FMNL3: variants seen among roughly 807,000 people sequenced by gnomAD.
FMNL3 encodes formin-like protein 3.
Under a neutral mutation model 119.6 loss-of-function variants are expected in FMNL3, and 57 were observed. The observed-to-expected ratio is 0.48, with a 90% confidence interval of 0.39 to 0.59. The LOEUF is 0.59. Among genes scored for constraint, FMNL3 ranks in the 20% least tolerant of loss-of-function variants. FMNL3 has a pLI of 0.00. For synonymous variants in FMNL3, 491 were observed against 507.3 expected (o/e 0.97, Z 0.43); for missense variants, 1,053 against 1,323.5 (o/e 0.80, Z 3.17).
chr12:49,664,980 G>C (rs1206297706), intron 4 of FMNL3, among the ~76,000 whole-genome samples: 4 of 151,232 alleles, frequency 2.6e-5, no homozygotes. Context: ...ATTTGTGCCA[G>C]GCCCTCCCAT....
At position 49,650,987 on chromosome 12, in the gene FMNL3, C is replaced by T; in HGVS notation, c.1798-109G>A. The T allele has an allele frequency of 2.0e-6, 3 of 1,484,842 alleles. No individual in the cohort carries two copies. The Admixed American group carries it at 5.4e-5, about 26-fold the overall frequency. The allele number at this position is 1,484,842 out of a possible 1,614,324, so 92.0% of individuals were successfully genotyped here. A position where few individuals can be genotyped will look rare whatever the true frequency, so the allele number is the denominator to read the frequency against. On this transcript the variant is annotated intron_variant, in intron 16 of 25. Coordinates refer to ENST00000335154, the MANE Select transcript of FMNL3 (RefSeq NM_175736.5). The stretch of plus-strand genomic sequence containing the variant: ...GAGCTCTGTCACTCTGGAATATTTC[C>T]TGAATACAAACACAAAGTGTTGACA...
chr12:49,664,925 C>T lies in FMNL3; in HGVS notation c.368+907G>A, dbSNP rs144045434. On this transcript the variant is annotated intron_variant, in intron 4 of 25. Transcript: ENST00000335154. ...ACCCCCTGTCAGGAAGCCTGGGCAC[C>T]CCACCCCCACCTGGGCCTCCACTGC... is the stretch of plus-strand genomic sequence containing the variant. 5.3e-5 allele frequency among the ~76,000 whole-genome samples: 8 copies of T among 152,016 alleles called. No individual in the cohort carries two copies. The East Asian group carries it at 1.4e-3, about 26-fold the overall frequency.
rs750449558 is a variant in FMNL3, at chr12:49,658,496, A to G, written c.551T>C (p.Leu184Pro). Residue 184 changes from leucine to proline, a missense_variant, in exon 6 of 26, where the codon CTG (leucine) becomes CCG (proline). Physicochemically the swap from Leu to Pro is moderately conservative, Grantham distance 98. Around this residue, in one of 4 missense-constraint regions of FMNL3, gnomAD observed 264 missense variants for 265.5 expected, o/e 0.99. Transcript: ENST00000335154. ...SIEDLQPPSA[L>P]SAPFTNSLAR... Reference sequence around the variant, plus strand: ...GAGGCTGTTGGTGAAGGGGGCCGACAGGGCGCTGGGTGGCTGCAGGTCCTC... The same window carrying G: ...GAGGCTGTTGGTGAAGGGGGCCGACGGGGCGCTGGGTGGCTGCAGGTCCTC... The G allele has an allele frequency of 1.2e-6, 2 of 1,613,510 alleles. No individual in the cohort carries two copies. Among genetic ancestry groups the G allele is most frequent in the Non-Finnish European group, 1.7e-6 (2 of 1,179,592 alleles).
chr12:49,646,296 G>A (rs190572435), intron 25 of FMNL3, among the ~76,000 whole-genome samples: 1 of 152,122 alleles, frequency 6.6e-6, no homozygotes, highest in East Asian at 1.9e-4. Context: ...AGGTTCCTTA[G>A]GCCTGGGAAT....
intron 2 of FMNL3, 44 bp from the exon 3 acceptor site, chr12:49,666,251 A>G (rs1565880090): frequency 3.2e-6 from 5 of 1,539,404 alleles, no homozygotes; most frequent in Non-Finnish European, 3.6e-6. Context: ...AGACAACCAG[A>G]GACCTGAGGA....
At chr12:49,668,010 CAG>C (rs1451722940) in intron 2 of FMNL3, among the ~76,000 whole-genome samples, 4 of 152,180 alleles carry the variant, frequency 2.6e-5, no homozygotes, top group Non-Finnish European at 5.9e-5. Flanking sequence ...ACTGTTCATG[CAG>C]AGAGAGTTTC....
intron 1 of FMNL3, among the ~76,000 whole-genome samples, chr12:49,680,087 G>A (rs1268035004): frequency 6.6e-6 from 1 of 152,138 alleles, no homozygotes; most frequent in Non-Finnish European, 1.5e-5. Context: ...CTTGTTCCTA[G>A]CAAGTATGCC....
At position 49,636,882 on chromosome 12, in the gene FMNL3, AG is replaced by A. The variant is rs769706835; in HGVS notation, c.*8932del. On this transcript the variant is annotated 3_prime_UTR_variant, in exon 26 of 26. Transcript: ENST00000335154. ...TGCTGTCCTTTCTAGATCAGAGCTC[AG>A]CTCTGCCCTAGAGCACAACCTCTTC... 6.2e-7 allele frequency: 1 copy of A among 1,612,390 alleles called. No homozygotes were observed. Among genetic ancestry groups the A allele is most frequent in the Admixed American group, 1.7e-5 (1 of 60,010 alleles).
chr12:49,658,208 G>A (rs1027343825), intron 6 of FMNL3, among the ~76,000 whole-genome samples: 8 of 152,146 alleles, frequency 5.3e-5, no homozygotes, highest in African/African-American at 1.9e-4. Context: ...GGGGAGAGCT[G>A]GAACCCCACG....
At chr12:49,664,536 TCA>T (rs1943833270) in intron 4 of FMNL3, among the ~76,000 whole-genome samples, 1 of 152,170 alleles carries the variant, frequency 6.6e-6, no homozygotes, top group African/African-American at 2.4e-5. Context: ...CTTCTTGCCC[TCA>T]CACACAGGGG....
chr12:49,689,984 A>G (rs1944560374), intron 1 of FMNL3, among the ~76,000 whole-genome samples: 1 of 151,964 alleles, frequency 6.6e-6, no homozygotes, highest in Non-Finnish European at 1.5e-5. Flanking sequence ...CCTATACCAC[A>G]CTGATCCTCC....
chr12:49,642,140 C>A lies in FMNL3; in HGVS notation c.*3675G>T. ...CAATTCAGGGGATGGTGGTAGAAGC[C>A]CAGACCCTAACTTTCCACCTCCTAA... On this transcript the variant is annotated 3_prime_UTR_variant, in exon 26 of 26. Transcript: ENST00000335154. The surrounding 1 kb of genome is among the most constrained non-coding windows in gnomAD (Gnocchi z 5.8). The A allele has an allele frequency of 6.2e-7, 1 of 1,606,664 alleles. No individual in the cohort carries two copies. Among genetic ancestry groups the A allele is most frequent in the South Asian group, 1.1e-5 (1 of 90,382 alleles).
intron 1 of FMNL3, among the ~76,000 whole-genome samples, chr12:49,693,441 C>T (rs374921917): frequency 1.3e-3 from 197 of 151,286 alleles, no homozygotes; most frequent in South Asian, 0.011. Context: ...ACAGTGGTGC[C>T]ATCTTGGCTC....
chr12:49,687,551 C>T (rs1944498853), intron 1 of FMNL3, among the ~76,000 whole-genome samples: 1 of 152,150 alleles, frequency 6.6e-6, no homozygotes, highest in African/African-American at 2.4e-5. Context: ...CTTTATCTTA[C>T]CTTCTTTTTC....
At chr12:49,652,309 G>T (rs1255783729) in intron 13 of FMNL3, 97 bp from the exon 14 acceptor site, 49 of 1,480,730 alleles carry the variant, frequency 3.3e-5, no homozygotes, top group Non-Finnish European at 4.0e-5. Context: ...CTTAACGAGG[G>T]TCTCTGTCAG....
Position 49,641,901 on chromosome 12 carries a change from C to T in FMNL3, c.*3914G>A, listed in dbSNP as rs1201367009. On this transcript the variant is annotated 3_prime_UTR_variant, in exon 26 of 26. Coordinates refer to ENST00000335154, the MANE Select transcript of FMNL3 (RefSeq NM_175736.5). ...TGCCCCTGCTTCATGCACTGCTGTA[C>T]CCACAGGACCGGGGCTTCTGCGTGG... 2 of 1,612,120 alleles carry T rather than the reference C, an allele frequency of 1.2e-6. No homozygotes were observed. The highest frequency in any genetic ancestry group is 1.7e-6 in the Non-Finnish European group (2 of 1,179,496).
intron 1 of FMNL3, among the ~76,000 whole-genome samples, chr12:49,699,640 A>G (rs1944847522): frequency 2.0e-5 from 3 of 152,242 alleles, no homozygotes; most frequent in South Asian, 2.1e-4. Flanking sequence ...TTAACCTTAC[A>G]TAACAGTTAC....
chr12:49,660,130 G>C (rs1377404319), intron 5 of FMNL3, among the ~76,000 whole-genome samples: 1 of 152,210 alleles, frequency 6.6e-6, no homozygotes, highest in African/African-American at 2.4e-5. Flanking sequence ...GTATCCTCTT[G>C]TACTGGTATA....
In FMNL3 at chr12:49,636,630, C is replaced by A; in HGVS notation, c.*9185G>T. On this transcript the variant is annotated 3_prime_UTR_variant, in exon 26 of 26. Coordinates refer to ENST00000335154, the MANE Select transcript of FMNL3 (RefSeq NM_175736.5). Reference sequence around the variant, plus strand: ...CTGGGTATCCCTAGCACCTGTAGGACAGCATCGTTGAAACATTAGGGGTGC... The same window carrying A: ...CTGGGTATCCCTAGCACCTGTAGGAAAGCATCGTTGAAACATTAGGGGTGC... 3 of 1,577,884 alleles carry A rather than the reference C, an allele frequency of 1.9e-6. No individual in the cohort carries two copies. Among genetic ancestry groups the A allele is most frequent in the South Asian group, 2.3e-5 (2 of 88,836 alleles).
Sources: gnomAD v4.1 joint callset for allele counts (sites outside exome capture counted in the v4.1 genomes callset) on GRCh38, gnomAD v4.1.1 for gene constraint, gnomAD v4.1.1 regional missense constraint, Gnocchi (gnomAD v3.1) non-coding constraint, MANE v1.5 for transcripts, NCBI Gene and HGNC (gene_info 2026-07-23, HGNC 2026-07-21) for gene names.